MCM10: variants seen among roughly 807,000 people sequenced by gnomAD.
MCM10 encodes the protein minichromosome maintenance 10 replication initiation factor, also known as protein MCM10 homolog.
MCM10 carries 91 observed loss-of-function variants against 109.9 expected under a neutral mutation model. The ratio of observed to expected loss-of-function variants is 0.83; its 90% CI spans 0.70 to 0.99. The LOEUF (loss-of-function observed/expected upper bound fraction) is 0.99. Ranked by LOEUF, MCM10 falls within the 50% of genes least tolerant of loss-of-function variation. The pLI is 0.00. For synonymous variants in MCM10, 380 were observed against 387.2 expected (o/e 0.98, Z 0.22); for missense variants, 1,077 against 1,061.2 (o/e 1.01, Z -0.21).
In MCM10 at chr10:13,172,569, C is replaced by T; in HGVS notation, c.455-59C>T. 1 of 1,603,664 alleles carries T rather than the reference C, an allele frequency of 6.2e-7. No individual in the cohort carries two copies. The highest frequency in any genetic ancestry group is 8.5e-7 in the Non-Finnish European group (1 of 1,172,000). ...CTGCATCCAACTCCTGTCCAAACAG[C>T]CCTTTGAACCTCTTTCTGAATGGGT... On this transcript the variant is annotated intron_variant, in intron 4 of 19. Transcript: ENST00000378714. This position sits in a 1 kb window ranked among gnomAD's most constrained non-coding sequence, Gnocchi z 5.2.
chr10:13,195,098 GC>G lies in MCM10; in HGVS notation c.1808del (p.Pro603LeufsTer21). 1 of 1,614,106 alleles carries G rather than the reference GC, an allele frequency of 6.2e-7. No individual in the cohort carries two copies. Among genetic ancestry groups the G allele is most frequent in the African/African-American group, 1.3e-5 (1 of 75,032 alleles). ...SPAVPSSSRQ[P>X]PAQPPRTGSE... ...CAGCTGTGCCATCTTCATCAAGACA[GC>G]CCCCTGCTCAGCCTCCACGGACAGG... On this transcript the variant is annotated frameshift_variant, in exon 14 of 20. Coordinates refer to ENST00000378714, the MANE Select transcript of MCM10 (RefSeq NM_018518.5). LOFTEE classifies it high-confidence loss of function.
chr10:13,189,511 CAG>C (rs1442031008), intron 10 of MCM10, among the ~76,000 whole-genome samples: 1 of 152,072 alleles, frequency 6.6e-6, no homozygotes, highest in African/African-American at 2.4e-5. Context: ...TTGGTACAGA[CAG>C]GGTTTCACCA....
At chr10:13,195,888 C>T (rs1158812356) in intron 14 of MCM10, among the ~76,000 whole-genome samples, 1 of 151,912 alleles carries the variant, frequency 6.6e-6, no homozygotes, top group African/African-American at 2.4e-5. Context: ...TAGGTGTGAG[C>T]CACCATGCCT....
chr10:13,198,789 C>T lies in MCM10; in HGVS notation c.2220C>T (p.His740=). 6.2e-7 allele frequency: 1 copy of T among 1,612,080 alleles called. No homozygotes were observed. The highest frequency in any genetic ancestry group is 1.3e-5 in the African/African-American group (1 of 75,004). Reference sequence around the variant, plus strand: ...AAATCCTAAAAGCAAAATCAAAACACACAGGCATCCTGAAAGAGGTAAGAG... The same window carrying T: ...AAATCCTAAAAGCAAAATCAAAACATACAGGCATCCTGAAAGAGGTAAGAG... ...FQKILKAKSK[H]TGILKEAEAE... is the part of the protein sequence containing the mutation. Residue 740 remains histidine, a synonymous_variant, in exon 16 of 20, where the codon CAC becomes CAT. Coordinates refer to ENST00000378714, the MANE Select transcript of MCM10 (RefSeq NM_018518.5).
At chr10:13,176,140 TC>T (rs762123024) in intron 6 of MCM10, among the ~76,000 whole-genome samples, 1 of 152,336 alleles carries the variant, frequency 6.6e-6, no homozygotes, top group South Asian at 2.1e-4. Flanking sequence ...GATCATTTTT[TC>T]TATTTCTATT....
rs180915591 is a variant in MCM10, at chr10:13,204,088, A to T, written c.2353-131A>T. On this transcript the variant is annotated intron_variant, in intron 17 of 19. Transcript: ENST00000378714. ...CTGTAGCAAGAGGCGAAGGTGGCCC[A>T]GTCCCCTAGCAAGGGCCCAGGTAGT... is the stretch of plus-strand genomic sequence containing the variant. 3.8e-6 allele frequency: 4 copies of T among 1,040,676 alleles called. No individual in the cohort carries two copies. In the East Asian group the frequency reaches 7.6e-5, roughly 20 times the overall value. 64.5% of individuals were successfully genotyped at this position (1,040,676 alleles called of 1,614,324 possible). A position where few individuals can be genotyped will look rare whatever the true frequency, so the allele number is the denominator to read the frequency against.
intron 16 of MCM10, among the ~76,000 whole-genome samples, chr10:13,200,460 A>G (rs574762756): frequency 9.8e-5 from 15 of 152,372 alleles, no homozygotes; most frequent in Admixed American, 3.9e-4. Context: ...ACTACTCTGA[A>G]TGATCTGTTC....
chr10:13,192,877 T>TTC (rs1257627327), intron 13 of MCM10, among the ~76,000 whole-genome samples: 1 of 151,570 alleles, frequency 6.6e-6, no homozygotes, highest in Non-Finnish European at 1.5e-5. Flanking sequence ...GGCTGTCATT[T>TTC]TCTCTCTCTC....
chr10:13,178,213 A>G (rs935415220), intron 6 of MCM10, among the ~76,000 whole-genome samples: 5 of 152,078 alleles, frequency 3.3e-5, no homozygotes, highest in Non-Finnish European at 7.4e-5. Flanking sequence ...CTTGCCTCTC[A>G]GCCTCCCGAG....
At chr10:13,188,390 C>T (rs1220938229) in intron 9 of MCM10, among the ~76,000 whole-genome samples, 1 of 152,106 alleles carries the variant, frequency 6.6e-6, no homozygotes, top group Admixed American at 6.5e-5. Context: ...TGTGTAACCA[C>T]CAGCTCCCTG....
At position 13,182,316 on chromosome 10, in the gene MCM10, G is replaced by GA. The variant is rs893381863; in HGVS notation, c.931-607dup. On this transcript the variant is annotated intron_variant, in intron 7 of 19. Transcript: ENST00000378714. The surrounding 1 kb of genome is among the most constrained non-coding windows in gnomAD (Gnocchi z 4.2). ...TAGTGAGACCTCATCTCTATGAAAA[G>GA]AAAAAAAAAATTAGCTGGGGCTGGT... is the stretch of plus-strand genomic sequence containing the variant. Among the ~76,000 whole-genome samples, 10 of 148,450 alleles carry GA rather than the reference G, an allele frequency of 6.7e-5. No individual in the cohort carries two copies. The highest frequency in any genetic ancestry group is 3.9e-4 in the East Asian group (2 of 5,096).
At position 13,172,526 on chromosome 10, in the gene MCM10, G is replaced by T; in HGVS notation, c.454+46G>T. ...GCAATCGTGTGCATTTATTTTATTA[G>T]AAATTATCACATCATTTCTGCATCC... On this transcript the variant is annotated intron_variant, in intron 4 of 19. Transcript: ENST00000378714. This position sits in a 1 kb window ranked among gnomAD's most constrained non-coding sequence, Gnocchi z 5.2. 1 of 1,605,244 alleles carries T rather than the reference G, an allele frequency of 6.2e-7. No homozygotes were observed. Among genetic ancestry groups the T allele is most frequent in the Non-Finnish European group, 8.5e-7 (1 of 1,172,424 alleles).
intron 6 of MCM10, 52 bp from the exon 7 acceptor site, chr10:13,180,390 G>T: frequency 6.5e-7 from 1 of 1,529,750 alleles, no homozygotes. Context: ...TAAGGTGCCA[G>T]GTAATTTCTT....
chr10:13,180,647 A>G, intron 7 of MCM10, 40 bp downstream of exon 7: 1 of 1,604,898 alleles, frequency 6.2e-7, no homozygotes, highest in Non-Finnish European at 8.5e-7. Flanking sequence ...TTTACTACAA[A>G]CTGACAGTGG....
chr10:13,191,686 A>G (rs1834349727), intron 11 of MCM10, among the ~76,000 whole-genome samples: 1 of 152,234 alleles, frequency 6.6e-6, no homozygotes, highest in South Asian at 2.1e-4. Flanking sequence ...TCTAACCTAA[A>G]GGAATCAAGC....
intron 10 of MCM10, among the ~76,000 whole-genome samples, chr10:13,189,497 A>G (rs1723239297): frequency 6.6e-6 from 1 of 151,954 alleles, no homozygotes; most frequent in Non-Finnish European, 1.5e-5. Context: ...TAATTTTTGC[A>G]TTTTTGGTAC....
intron 8 of MCM10, among the ~76,000 whole-genome samples, 162 bp from the exon 9 acceptor site, chr10:13,186,002 T>C (rs527620708): frequency 6.6e-6 from 1 of 152,338 alleles, no homozygotes; most frequent in African/African-American, 2.4e-5. Flanking sequence ...CCTCAAGCGA[T>C]CCACCTGCCT....
intron 5 of MCM10, 129 bp from the exon 6 acceptor site, chr10:13,175,381 A>G: frequency 2.8e-6 from 2 of 707,586 alleles, no homozygotes; most frequent in South Asian, 3.3e-5. Context: ...TCACGCCACC[A>G]TTGCACTCCT....
At chr10:13,175,209 G>A (rs528180145) in intron 5 of MCM10, among the ~76,000 whole-genome samples, 2 of 152,166 alleles carry the variant, frequency 1.3e-5, no homozygotes, top group African/African-American at 4.8e-5. Context: ...CTAGGTGGGT[G>A]GATTGCTTGG....
Sources: allele counts gnomAD v4.1 joint callset (sites outside exome capture counted in the v4.1 genomes callset), GRCh38; gene constraint gnomAD v4.1.1; non-coding constraint Gnocchi (gnomAD v3.1); transcripts MANE v1.5; gene names NCBI Gene and HGNC (gene_info 2026-07-23, HGNC 2026-07-21).